The following PLEKHG1 variants were observed in gnomAD, a reference collection of about 807,000 sequenced individuals.
PLEKHG1 encodes the protein pleckstrin homology and RhoGEF domain containing G1, also known as pleckstrin homology domain-containing family G member 1.
PLEKHG1 carries 44 observed loss-of-function variants against 100.8 expected under a neutral mutation model. The observed-to-expected ratio is 0.44, with a 90% confidence interval of 0.34 to 0.56. The LOEUF (loss-of-function observed/expected upper bound fraction) is 0.56, where lower values mean the gene tolerates loss of function less well. PLEKHG1 is among the 20% of genes least tolerant of loss of function. The pLI, the probability that PLEKHG1 is intolerant of heterozygous loss-of-function variation, is 0.01. For synonymous variants in PLEKHG1, 640 were observed against 662.5 expected, an observed-to-expected ratio of 0.97 and a Z score of 0.52; for missense variants, 1,545 against 1,720.9, an observed-to-expected ratio of 0.90 and a Z score of 1.81.
chr6:150,647,847 A>G (rs1778566855), intron 2 of PLEKHG1, among the ~76,000 whole-genome samples: 1 of 152,158 alleles, frequency 6.6e-6, no homozygotes, highest in South Asian at 2.1e-4. Context: ...GAGGTTCTCA[A>G]GTATTCACCT....
At chr6:150,751,331 G>A (rs972096539) in intron 2 of PLEKHG1, among the ~76,000 whole-genome samples, 7 of 151,784 alleles carry the variant, frequency 4.6e-5, no homozygotes, top group African/African-American at 1.7e-4. Context: ...TAATTTAATG[G>A]ACAGAGCACA....
chr6:150,804,697 A>G, exon 7 of PLEKHG1: 1 of 1,613,950 alleles, frequency 6.2e-7, no homozygotes, highest in Non-Finnish European at 8.5e-7. Context: ...CGCCTGGCAT[A>G]TCAATGACAT....
chr6:150,635,332 T>G (rs137892693), intron 1 of PLEKHG1, among the ~76,000 whole-genome samples: 2,171 of 152,266 alleles, frequency 0.014, 29 homozygotes, highest in South Asian at 0.061. Flanking sequence ...AGATAATGAA[T>G]GGGAATCTTA....
intron 3 of PLEKHG1, among the ~76,000 whole-genome samples, chr6:150,714,970 C>T (rs1447982390): frequency 6.6e-6 from 1 of 151,988 alleles, no homozygotes; most frequent in African/African-American, 2.4e-5. Context: ...CACCATTGCC[C>T]AGCTAATTTT....
chr6:150,803,740 A>G (rs531378137), intron 6 of PLEKHG1, among the ~76,000 whole-genome samples: 1 of 152,278 alleles, frequency 6.6e-6, no homozygotes, highest in South Asian at 2.1e-4. Flanking sequence ...TAAAATGTCT[A>G]CTTGCTATGG....
intron 1 of PLEKHG1, among the ~76,000 whole-genome samples, chr6:150,637,891 C>A (rs550801996): frequency 6.6e-6 from 1 of 152,198 alleles, no homozygotes; most frequent in East Asian, 1.9e-4. Context: ...CTCTTGAAAG[C>A]GATTCTTTAT....
intron 3 of PLEKHG1, among the ~76,000 whole-genome samples, chr6:150,684,615 G>A (rs548087140): frequency 4.6e-5 from 7 of 152,286 alleles, no homozygotes; most frequent in African/African-American, 1.7e-4. Context: ...GGCCCATGGG[G>A]GATGAGGATT....
chr6:150,798,993 G>C (rs1562527946), intron 5 of PLEKHG1, among the ~76,000 whole-genome samples: 1 of 151,888 alleles, frequency 6.6e-6, no homozygotes, highest in South Asian at 2.1e-4. Flanking sequence ...CACCCGCCTC[G>C]GCCTTCCAAA....
chr6:150,641,958 T>TA (rs1778287769), intron 2 of PLEKHG1, among the ~76,000 whole-genome samples: 1 of 151,432 alleles, frequency 6.6e-6, no homozygotes, highest in African/African-American at 2.4e-5. Context: ...TAACCCTTTT[T>TA]TTTTTCAAGT....
intron 2 of PLEKHG1, among the ~76,000 whole-genome samples, chr6:150,767,198 A>G (rs575379552): frequency 6.6e-6 from 1 of 152,120 alleles, no homozygotes; most frequent in East Asian, 1.9e-4. Context: ...TCTGGCCTCC[A>G]TTTGTTTTTC....
Position 150,683,921 on chromosome 6 carries a change from AG to A in PLEKHG1, c.-99+33138del, listed in dbSNP as rs1203973809. 6 of 836,446 alleles carry A rather than the reference AG, an allele frequency of 7.2e-6. No homozygotes were observed. In the Admixed American group the frequency reaches 1.9e-4, roughly 26 times the overall value. 51.8% of individuals were successfully genotyped at this position (836,446 alleles called of 1,614,324 possible). ...ATCCTATGGTTTGGCACCTGCAGCC[AG>A]GGTGGTGGCAAGGGCAGTGGCAAGT... On this transcript the variant is annotated intron_variant, in intron 3 of 3. Coordinates refer to the PLEKHG1 transcript ENST00000367326. This position sits in a 1 kb window ranked among gnomAD's most constrained non-coding sequence, Gnocchi z 4.0.
chr6:150,691,190 A>T (rs1467586404), intron 3 of PLEKHG1, among the ~76,000 whole-genome samples: 1 of 152,240 alleles, frequency 6.6e-6, no homozygotes, highest in Non-Finnish European at 1.5e-5. Context: ...TTTTATGACT[A>T]ATGAGATGGT....
chr6:150,674,418 C>T (rs1378235210), intron 3 of PLEKHG1, among the ~76,000 whole-genome samples: 3 of 152,162 alleles, frequency 2.0e-5, no homozygotes, highest in African/African-American at 7.2e-5. Context: ...ACCTCAGAGT[C>T]CAAGCTCTCT....
At chr6:150,843,453 C>T (rs772124889) in exon 16 of PLEKHG1, 3 of 151,984 alleles carry the variant, frequency 2.0e-5, no homozygotes, top group African/African-American at 2.4e-5. Context: ...ATGTATATAA[C>T]GAGGAAAAGT....
intron 2 of PLEKHG1, among the ~76,000 whole-genome samples, chr6:150,741,370 A>G (rs774393830): frequency 7.2e-5 from 11 of 152,204 alleles, no homozygotes; most frequent in Non-Finnish European, 1.3e-4. Context: ...TTGAGTCAAA[A>G]TGTAGGCAAT....
At chr6:150,755,374 C>G (rs1389829769) in intron 2 of PLEKHG1, among the ~76,000 whole-genome samples, 1 of 152,180 alleles carries the variant, frequency 6.6e-6, no homozygotes, top group South Asian at 2.1e-4. Context: ...AGTAAATTAG[C>G]CTTCCTACGG....
intron 3 of PLEKHG1, among the ~76,000 whole-genome samples, chr6:150,769,876 G>A (rs918748694): frequency 2.0e-5 from 3 of 151,798 alleles, no homozygotes; most frequent in Non-Finnish European, 4.4e-5. Flanking sequence ...CTATATGATC[G>A]ACTTTTATAT....
intron 3 of PLEKHG1, among the ~76,000 whole-genome samples, chr6:150,657,182 T>A (rs1779003855): frequency 6.6e-6 from 1 of 152,092 alleles, no homozygotes; most frequent in Non-Finnish European, 1.5e-5. Flanking sequence ...CAAGGAGAAG[T>A]GGCATAAAAT....
At chr6:150,602,695 AGG>A (rs1466778873) in intron 1 of PLEKHG1, among the ~76,000 whole-genome samples, 1 of 152,158 alleles carries the variant, frequency 6.6e-6, no homozygotes, top group Non-Finnish European at 1.5e-5. Context: ...ACCAAGTCCC[AGG>A]AGTGTATGAT....
Sources: allele counts gnomAD v4.1 joint callset (sites outside exome capture counted in the v4.1 genomes callset), GRCh38; gene constraint gnomAD v4.1.1; non-coding constraint Gnocchi (gnomAD v3.1); transcripts MANE v1.5; gene names NCBI Gene and HGNC (gene_info 2026-07-23, HGNC 2026-07-21).